ACO2: variants seen among roughly 807,000 people sequenced by gnomAD.
ACO2 encodes the protein aconitase 2.
Under a neutral mutation model 84.5 loss-of-function variants are expected in ACO2, and 31 were observed. The observed-to-expected ratio is 0.37, with a 90% CI of 0.28 to 0.50. The LOEUF (loss-of-function observed/expected upper bound fraction) is 0.50, where lower values mean the gene tolerates loss of function less well. Ranked by LOEUF, ACO2 falls within the 20% of genes least tolerant of loss-of-function variation. The pLI, the probability that ACO2 is intolerant of heterozygous loss-of-function variation, is 0.97. For missense variants in ACO2, 685 were observed against 1,029.3 expected (o/e 0.67, Z 4.58); for synonymous variants, 414 against 412.7 (o/e 1.00, Z -0.04).
chr22:41,493,873 A>G (rs994576675), intron 1 of ACO2, among the ~76,000 whole-genome samples: 11 of 152,228 alleles, frequency 7.2e-5, no homozygotes, highest in South Asian at 4.1e-4. Flanking sequence ...AGTCTGACCA[A>G]TATGGCAAAA....
At position 41,523,913 on chromosome 22, in the gene ACO2, A is replaced by G; in HGVS notation, c.1454A>G (p.Glu485Gly). ...ACGGGCCGCAACGACGCAAACCCCGAGACCCATGCCTTTGTCACGTCCCCA... is the reference window on the plus strand; with the variant it reads ...ACGGGCCGCAACGACGCAAACCCCGGGACCCATGCCTTTGTCACGTCCCCA... ...NFTGRNDANP[E>G]THAFVTSPEI... The change falls in exon 12 of 18, where the codon GAG (glutamate) becomes GGG (glycine). Residue 485 changes from glutamate (E) to glycine (G), a missense_variant. This residue lies in a region of ACO2 where 311 missense variants were observed against 441.6 expected (regional missense o/e 0.70). Transcript: ENST00000216254. 1.2e-6 allele frequency: 2 copies of G among 1,613,038 alleles called. No individual in the cohort carries two copies. The highest frequency in any genetic ancestry group is 1.7e-6 in the Non-Finnish European group (2 of 1,180,004).
At chr22:41,492,465 C>T (rs759610391) in intron 1 of ACO2, among the ~76,000 whole-genome samples, 36 of 152,188 alleles carry the variant, frequency 2.4e-4, no homozygotes, top group South Asian at 8.3e-4. Context: ...GATGAAACCC[C>T]GTCTCTACTA....
chr22:41,508,310 G>A (rs570463059), intron 3 of ACO2, among the ~76,000 whole-genome samples: 2 of 152,326 alleles, frequency 1.3e-5, no homozygotes, highest in Admixed American at 1.3e-4. Context: ...TGTCCTGTTG[G>A]AGGATGATGT....
At chr22:41,469,331 C>T (rs2037910932) in intron 1 of ACO2, 149 bp downstream of exon 1, 3 of 915,564 alleles carry the variant, frequency 3.3e-6, no homozygotes, top group East Asian at 6.0e-5. Context: ...CCCGTGCCCG[C>T]TTCTCTGGTG....
intron 2 of ACO2, among the ~76,000 whole-genome samples, chr22:41,504,089 G>A (rs2284081): frequency 0.083 from 12,657 of 152,116 alleles, 1,443 homozygotes; most frequent in East Asian, 0.46. Context: ...GGTGGCGAGC[G>A]CCTGTAATCC....
At chr22:41,496,114 C>G (rs915945352) in intron 1 of ACO2, among the ~76,000 whole-genome samples, 2 of 151,460 alleles carry the variant, frequency 1.3e-5, no homozygotes, top group Admixed American at 6.6e-5. Flanking sequence ...GAGTTTGAGA[C>G]CAGCCTGGGC....
Position 41,515,250 on chromosome 22 carries a change from G to A in ACO2, c.526-127G>A. The A allele has an allele frequency of 1.8e-6, 2 of 1,137,282 alleles. No homozygotes were observed. The highest frequency in any genetic ancestry group is 2.6e-6 in the Non-Finnish European group (2 of 770,142). The allele number at this position is 1,137,282 out of a possible 1,614,324, so 70.4% of individuals were successfully genotyped here. A position where few individuals can be genotyped will look rare whatever the true frequency, so the allele number is the denominator to read the frequency against. On this transcript the variant is annotated intron_variant, in intron 4 of 17. Coordinates refer to ENST00000216254, the MANE Select transcript of ACO2 (RefSeq NM_001098.3). The surrounding 1 kb of genome is among the most constrained non-coding windows in gnomAD (Gnocchi z 5.8). The stretch of plus-strand genomic sequence containing the variant: ...CTGGAGACGGCCTGGATTAAATGGG[G>A]CTGCTCCTACCAGTTCCATCCTGGG...
intron 1 of ACO2, among the ~76,000 whole-genome samples, chr22:41,489,363 T>C (rs536036834): frequency 2.0e-5 from 3 of 152,146 alleles, no homozygotes; most frequent in Non-Finnish European, 4.4e-5. Flanking sequence ...ATACTCTTAA[T>C]AGTAATACCC....
intron 1 of ACO2, among the ~76,000 whole-genome samples, chr22:41,471,373 C>T (rs727563): frequency 0.59 from 89,433 of 150,844 alleles, 29,711 homozygotes; most frequent in Non-Finnish European, 0.78. Context: ...CTCAAATAAC[C>T]AACTAACACG....
intron 4 of ACO2, among the ~76,000 whole-genome samples, chr22:41,514,718 C>A (rs2066462079): frequency 6.6e-6 from 1 of 152,254 alleles, no homozygotes; most frequent in African/African-American, 2.4e-5. Context: ...GGAAGTGCTC[C>A]CCACGGCTGG....
chr22:41,488,486 G>T (rs183952793), intron 1 of ACO2, among the ~76,000 whole-genome samples: 1 of 152,206 alleles, frequency 6.6e-6, no homozygotes, highest in Non-Finnish European at 1.5e-5. Flanking sequence ...TCTTTGTTAA[G>T]TGAGGTAGAC....
chr22:41,498,040 A>T (rs1341702502), intron 1 of ACO2, among the ~76,000 whole-genome samples: 1 of 152,188 alleles, frequency 6.6e-6, no homozygotes, highest in Non-Finnish European at 1.5e-5. Flanking sequence ...GCTACGCGGG[A>T]GGCTGAGGCA....
intron 2 of ACO2, among the ~76,000 whole-genome samples, chr22:41,505,104 A>G (rs1358896582): frequency 1.3e-5 from 2 of 152,072 alleles, no homozygotes; most frequent in East Asian, 1.9e-4. Flanking sequence ...CCATCTCACT[A>G]TGCATATTGA....
At chr22:41,479,405 C>T (rs1235287933) in intron 1 of ACO2, among the ~76,000 whole-genome samples, 2 of 152,190 alleles carry the variant, frequency 1.3e-5, no homozygotes, top group African/African-American at 4.8e-5. Context: ...ATATGAGTAG[C>T]CTGTTTCACA....
intron 10 of ACO2, 33 bp from the exon 11 acceptor site, chr22:41,523,172 C>G: frequency 6.3e-7 from 1 of 1,596,106 alleles, no homozygotes; most frequent in Non-Finnish European, 8.6e-7. Context: ...TCTCACCCAC[C>G]CTTGACATTC....
At chr22:41,513,735 A>G (rs188966722) in intron 4 of ACO2, among the ~76,000 whole-genome samples, 1 of 152,300 alleles carries the variant, frequency 6.6e-6, no homozygotes, top group African/African-American at 2.4e-5. Context: ...CAGGTCCTTA[A>G]TGTATGTGTG....
chr22:41,499,628 C>G, intron 1 of ACO2, 98 bp from the exon 2 acceptor site: 1 of 1,377,922 alleles, frequency 7.3e-7, no homozygotes, highest in Non-Finnish European at 9.8e-7. Context: ...GCTCTTGACA[C>G]TTTAATTCCT....
intron 4 of ACO2, among the ~76,000 whole-genome samples, chr22:41,514,421 G>A (rs373773087): frequency 4.7e-4 from 71 of 152,358 alleles, no homozygotes; most frequent in Non-Finnish European, 9.3e-4. Flanking sequence ...AACCAATGAT[G>A]TGAGCACGAT....
intron 1 of ACO2, among the ~76,000 whole-genome samples, chr22:41,494,118 C>T (rs1289440524): frequency 2.0e-5 from 3 of 152,194 alleles, no homozygotes; most frequent in Non-Finnish European, 4.4e-5. Context: ...GAAAGCAGAA[C>T]GGCACAGTGA....
Sources: gnomAD v4.1 joint callset for allele counts (sites outside exome capture counted in the v4.1 genomes callset) on GRCh38, gnomAD v4.1.1 for gene constraint, gnomAD v4.1.1 regional missense constraint, Gnocchi (gnomAD v3.1) non-coding constraint, MANE v1.5 for transcripts, NCBI Gene and HGNC (gene_info 2026-07-23, HGNC 2026-07-21) for gene names.